The following TMEM131 variants were observed in gnomAD, a reference collection of about 807,000 sequenced individuals.
TMEM131 encodes the protein 2610524E03Rik.
In TMEM131, 66 loss-of-function variants were observed where a neutral mutation model predicts 211.6. That is an observed-to-expected ratio of 0.31 (90% CI 0.26 to 0.38). The LOEUF is 0.38. Ranked by LOEUF, TMEM131 falls within the 10% of genes least tolerant of loss-of-function variation. The pLI, the probability that TMEM131 is intolerant of heterozygous loss-of-function variation, is 1.00. For missense variants in TMEM131, 2,036 were observed against 2,299.3 expected, an observed-to-expected ratio of 0.89 and a Z score of 2.34; for synonymous variants, 844 against 841.3, an observed-to-expected ratio of 1.00 and a Z score of -0.06.
intron 1 of TMEM131, among the ~76,000 whole-genome samples, chr2:97,978,272 A>G (rs1321438090): frequency 5.3e-5 from 8 of 152,176 alleles, no homozygotes; most frequent in Non-Finnish European, 1.5e-5. Flanking sequence ...AGTTGATAAT[A>G]CCCTGAATCC....
intron 1 of TMEM131, among the ~76,000 whole-genome samples, chr2:97,985,695 C>A (rs114176517): frequency 1.3e-5 from 2 of 150,680 alleles, no homozygotes; most frequent in Admixed American, 6.6e-5. Context: ...AAAAAAAATA[C>A]CCTGGGAAAA....
At chr2:97,923,627 TTAAAA>T (rs368825389) in intron 2 of TMEM131, among the ~76,000 whole-genome samples, 23,595 of 98,870 alleles carry the variant, frequency 0.24, 3,066 homozygotes, top group Non-Finnish European at 0.33. Context: ...GTCTTTTTTT[TTAAAA>T]AAAAAAAAAA....
chr2:97,877,223 A>G (rs1674734368), intron 4 of TMEM131, among the ~76,000 whole-genome samples: 2 of 152,230 alleles, frequency 1.3e-5, no homozygotes, highest in African/African-American at 4.8e-5. Context: ...AACAAATGGA[A>G]AAACATTCCA....
chr2:97,839,073 C>T (rs114871716), intron 7 of TMEM131, among the ~76,000 whole-genome samples: 1,832 of 152,282 alleles, frequency 0.012, 39 homozygotes, highest in African/African-American at 0.041. Context: ...CCTGTAATCC[C>T]GGCACTTTGG....
chr2:97,920,114 T>C (rs937578413), intron 2 of TMEM131, among the ~76,000 whole-genome samples: 1 of 152,204 alleles, frequency 6.6e-6, no homozygotes, highest in Non-Finnish European at 1.5e-5. Flanking sequence ...TGGGCAATCT[T>C]TGCTCCAGAG....
At chr2:97,825,989 G>A (rs1320590282) in intron 11 of TMEM131, among the ~76,000 whole-genome samples, 1 of 152,214 alleles carries the variant, frequency 6.6e-6, no homozygotes, top group African/African-American at 2.4e-5. Flanking sequence ...ATGTACATGT[G>A]TGGCCCTCAG....
At chr2:97,817,482 A>T (rs1440163875) in intron 12 of TMEM131, among the ~76,000 whole-genome samples, 1 of 152,244 alleles carries the variant, frequency 6.6e-6, no homozygotes, top group Admixed American at 6.5e-5. Flanking sequence ...GTACCTCGTG[A>T]TACTGACACT....
At chr2:97,995,433 G>A (rs984933460) in intron 1 of TMEM131, 43 bp downstream of exon 1, 1 of 1,322,394 alleles carries the variant, frequency 7.6e-7, no homozygotes, top group African/African-American at 1.5e-5. Flanking sequence ...CGCGAGAGCG[G>A]GGTGACAGCC....
chr2:97,912,667 A>G (rs1242669665), intron 2 of TMEM131, among the ~76,000 whole-genome samples: 1 of 152,198 alleles, frequency 6.6e-6, no homozygotes, highest in African/African-American at 2.4e-5. Context: ...ATGTATATGC[A>G]TGTGAGTTTG....
chr2:97,881,039 T>C (rs1042060105), intron 4 of TMEM131, among the ~76,000 whole-genome samples: 5 of 152,182 alleles, frequency 3.3e-5, no homozygotes, highest in Admixed American at 1.3e-4. Context: ...GTTCCAGGGT[T>C]AATTTAGCAG....
chr2:97,794,871 C>CA, intron 29 of TMEM131, 59 bp downstream of exon 29: 1 of 1,389,424 alleles, frequency 7.2e-7, no homozygotes. Context: ...ACACAGTGGG[C>CA]ACTCGATCAA....
chr2:97,920,350 T>C (rs1347838784), intron 2 of TMEM131, among the ~76,000 whole-genome samples: 1 of 152,166 alleles, frequency 6.6e-6, no homozygotes, highest in Non-Finnish European at 1.5e-5. Context: ...CCGTGAAATA[T>C]TGAATGTTGT....
At position 97,918,812 on chromosome 2, in the gene TMEM131, C is replaced by T. The variant is rs371129711; in HGVS notation, c.249+8614G>A. Among the ~76,000 whole-genome samples the T allele has an allele frequency of 2.3e-4, 35 of 151,096 alleles. No homozygotes were observed. In the South Asian group the frequency reaches 3.5e-3, roughly 15 times the overall value. On this transcript the variant is annotated intron_variant, in intron 2 of 40. Coordinates refer to ENST00000186436, the MANE Select transcript of TMEM131 (RefSeq NM_015348.2). ...ATATATCAAGCATTCTGGTTATCTACTGCTGCATAATAAAGCAGTCTAAGG... is the reference window on the plus strand; with the variant it reads ...ATATATCAAGCATTCTGGTTATCTATTGCTGCATAATAAAGCAGTCTAAGG...
intron 10 of TMEM131, 61 bp from the exon 11 acceptor site, chr2:97,833,487 C>A: frequency 1.3e-6 from 1 of 745,600 alleles, no homozygotes; most frequent in South Asian, 1.7e-5. Context: ...AAGTTAGAAT[C>A]TTTACCTTAT....
At chr2:97,820,395 TA>T (rs1682054028) in intron 11 of TMEM131, among the ~76,000 whole-genome samples, 1 of 152,238 alleles carries the variant, frequency 6.6e-6, no homozygotes. Flanking sequence ...TCCATTTGGT[TA>T]TACTATACTA....
chr2:97,870,830 ATCC>A (rs1674462271), intron 4 of TMEM131, among the ~76,000 whole-genome samples: 1 of 152,214 alleles, frequency 6.6e-6, no homozygotes, highest in Non-Finnish European at 1.5e-5. Context: ...AAATACTACT[ATCC>A]TCCTTTCAAA....
intron 6 of TMEM131, 119 bp from the exon 7 acceptor site, chr2:97,842,056 C>A: frequency 2.9e-6 from 3 of 1,017,722 alleles, no homozygotes; most frequent in Non-Finnish European, 3.9e-6. Flanking sequence ...AATTAACAAT[C>A]CCTTTATTTA....
intron 5 of TMEM131, among the ~76,000 whole-genome samples, chr2:97,853,026 A>C (rs1673690825): frequency 6.6e-6 from 1 of 152,214 alleles, no homozygotes; most frequent in Non-Finnish European, 1.5e-5. Flanking sequence ...CAGAAAAAAG[A>C]TTTCTTTCCA....
chr2:97,957,096 C>CA (rs34518893), intron 1 of TMEM131, among the ~76,000 whole-genome samples: 42,492 of 116,062 alleles, frequency 0.37, 6,945 homozygotes, highest in Middle Eastern at 0.51. Flanking sequence ...GACTCCGTCT[C>CA]AAAAAAAAAA....
Sources: gnomAD v4.1 joint callset for allele counts (sites outside exome capture counted in the v4.1 genomes callset) on GRCh38, gnomAD v4.1.1 for gene constraint, MANE v1.5 for transcripts, NCBI Gene and HGNC (gene_info 2026-07-23, HGNC 2026-07-21) for gene names.